The following MAP2K5 variants were observed in gnomAD, a reference collection of about 807,000 sequenced individuals.
MAP2K5 encodes the protein dual specificity mitogen-activated protein kinase kinase 5.
Under a neutral mutation model 83.1 loss-of-function variants are expected in MAP2K5, and 49 were observed. That is an observed-to-expected ratio of 0.59 (90% CI 0.47 to 0.75). MAP2K5 has a LOEUF of 0.75. Among genes scored for constraint, MAP2K5 ranks in the 30% least tolerant of loss-of-function variants. The probability of loss-of-function intolerance (pLI) is 0.00; values close to 1 mark genes in which losing one functional copy is unlikely to be tolerated. For missense variants in MAP2K5, 457 were observed against 557.5 expected (o/e 0.82, Z 1.82); for synonymous variants, 202 against 191.8 (o/e 1.05, Z -0.44).
intron 11 of MAP2K5, among the ~76,000 whole-genome samples, chr15:67,647,613 C>T (rs2086857362): frequency 2.0e-5 from 3 of 151,662 alleles, no homozygotes; most frequent in Admixed American, 2.0e-4. Context: ...TGGCCGGGCA[C>T]GGTGGCTTAC....
Position 67,636,039 on chromosome 15 carries a change from A to G in MAP2K5, c.585+5112A>G, listed in dbSNP as rs1245773160. Among the ~76,000 whole-genome samples the G allele has an allele frequency of 6.6e-6, 1 of 152,170 alleles. No homozygotes were observed. The highest frequency in any genetic ancestry group is 6.5e-5 in the Admixed American group (1 of 15,274). ...GGCTTGTCTTGAATTCATGGGCTCA[A>G]GCAATCCACCCGCCTCCACCTATCA... is the stretch of plus-strand genomic sequence containing the variant. On this transcript the variant is annotated intron_variant, in intron 9 of 21. Coordinates refer to ENST00000178640, the MANE Select transcript of MAP2K5 (RefSeq NM_145160.3). This position sits in a 1 kb window ranked among gnomAD's most constrained non-coding sequence, Gnocchi z 4.7.
chr15:67,634,174 C>T lies in MAP2K5; in HGVS notation c.585+3247C>T, dbSNP rs367925472. On this transcript the variant is annotated intron_variant, in intron 9 of 21. Transcript: ENST00000178640. ...AGGAGTACGAGACCAGCCTGGGAAACGTGGCAAAACCCTGTCTCTACAAAA... is the reference window on the plus strand; with the variant it reads ...AGGAGTACGAGACCAGCCTGGGAAATGTGGCAAAACCCTGTCTCTACAAAA... Among the ~76,000 whole-genome samples, 12 of 151,146 alleles carry T rather than the reference C, an allele frequency of 7.9e-5. No individual in the cohort carries two copies. In the East Asian group the frequency reaches 1.4e-3, roughly 17 times the overall value.
intron 8 of MAP2K5, among the ~76,000 whole-genome samples, chr15:67,621,031 T>C (rs2086171059): frequency 6.8e-6 from 1 of 146,406 alleles, no homozygotes; most frequent in African/African-American, 2.5e-5. Context: ...AATACAGTTA[T>C]GTGCTATTTT....
chr15:67,689,735 A>G lies in MAP2K5; in HGVS notation c.848-2744A>G, dbSNP rs541263922. Among the ~76,000 whole-genome samples, 15 of 152,326 alleles carry G rather than the reference A, an allele frequency of 9.8e-5. No homozygotes were observed. In the East Asian group the frequency reaches 2.5e-3, roughly 25 times the overall value. ...TATAGTTTAGCAGTTTTGTTGTTTT[A>G]TTATTTTGTCTTTCCATTGATCCAC... On this transcript the variant is annotated intron_variant, in intron 13 of 21. Coordinates refer to ENST00000178640, the MANE Select transcript of MAP2K5 (RefSeq NM_145160.3).
chr15:67,751,032 TG>T lies in MAP2K5; in HGVS notation c.1134+2433del, dbSNP rs532619912. Among the ~76,000 whole-genome samples, 9 of 152,228 alleles carry T rather than the reference TG, an allele frequency of 5.9e-5. No individual in the cohort carries two copies. In the South Asian group the frequency reaches 1.0e-3, roughly 18 times the overall value. ...TATGTGGATTCAGCTTAACCTGTTA[TG>T]GCCTGGCAAAGAGTGAAGATGTAGT... On this transcript the variant is annotated intron_variant, in intron 19 of 21. Transcript: ENST00000178640.
rs566855437 is a variant in MAP2K5, at chr15:67,781,036, G to A, written c.1242+8284G>A. The stretch of plus-strand genomic sequence containing the variant: ...CTGTTAGATTGATGACAGGGGACCC[G>A]AAGGTTTTTATCTGTCAGCACATCA... On this transcript the variant is annotated intron_variant, in intron 21 of 21. Coordinates refer to ENST00000178640, the MANE Select transcript of MAP2K5 (RefSeq NM_145160.3). The surrounding 1 kb of genome is among the most constrained non-coding windows in gnomAD (Gnocchi z 4.0). Among the ~76,000 whole-genome samples the A allele has an allele frequency of 2.0e-5, 3 of 152,326 alleles. No individual in the cohort carries two copies. The highest frequency in any genetic ancestry group is 4.1e-4 in the South Asian group (2 of 4,826).
At chr15:67,645,135 G>C (rs2086802924) in intron 9 of MAP2K5, among the ~76,000 whole-genome samples, 1 of 152,208 alleles carries the variant, frequency 6.6e-6, no homozygotes, top group South Asian at 2.1e-4. Context: ...TCATGCCACT[G>C]CACTCCAGCC....
At chr15:67,608,599 C>G (rs547285381) in intron 8 of MAP2K5, among the ~76,000 whole-genome samples, 13 of 152,248 alleles carry the variant, frequency 8.5e-5, no homozygotes, top group African/African-American at 3.1e-4. Flanking sequence ...GGAAAGGCCT[C>G]ATGGAGGAAC....
rs747072307 is a variant in MAP2K5, at chr15:67,746,578, G to A, written c.1075-1653G>A. Reference sequence around the variant, plus strand: ...CTGAAATTCTTAACCACTTCCGGGTGGTGGTTACAGCTCCGCCTTCCCTTG... The same window carrying A: ...CTGAAATTCTTAACCACTTCCGGGTAGTGGTTACAGCTCCGCCTTCCCTTG... On this transcript the variant is annotated intron_variant, in intron 17 of 21. Transcript: ENST00000178640. This position sits in a 1 kb window ranked among gnomAD's most constrained non-coding sequence, Gnocchi z 4.1. 1.7e-4 allele frequency among the ~76,000 whole-genome samples: 26 copies of A among 152,236 alleles called. No individual in the cohort carries two copies. Among genetic ancestry groups the A allele is most frequent in the Middle Eastern group, 3.4e-3 (1 of 294 alleles).
At position 67,786,586 on chromosome 15, in the gene MAP2K5, G is replaced by A. The variant is rs2090422499; in HGVS notation, c.1242+13834G>A. On this transcript the variant is annotated intron_variant, in intron 21 of 21. Coordinates refer to ENST00000178640, the MANE Select transcript of MAP2K5 (RefSeq NM_145160.3). The surrounding 1 kb of genome is among the most constrained non-coding windows in gnomAD (Gnocchi z 4.7). ...TTGGGTGGTGCGGGAGCTCGGAACA[G>A]TGGCCGAGGGGCCGTAGTAGTCAGT... 6.6e-6 allele frequency among the ~76,000 whole-genome samples: 1 copy of A among 152,218 alleles called. No individual in the cohort carries two copies. The highest frequency in any genetic ancestry group is 1.5e-5 in the Non-Finnish European group (1 of 68,040).
chr15:67,717,038 C>G lies in MAP2K5; in HGVS notation c.1045-10878C>G, dbSNP rs960325938. On this transcript the variant is annotated intron_variant, in intron 16 of 21. Transcript: ENST00000178640. This position sits in a 1 kb window ranked among gnomAD's most constrained non-coding sequence, Gnocchi z 4.1. ...AGGCAGCAGCAGTCAAGTATTCTGA[C>G]TCATGGATTCAAGTCTGCTTCTTCC... 6.6e-6 allele frequency among the ~76,000 whole-genome samples: 1 copy of G among 152,106 alleles called. No individual in the cohort carries two copies. Among genetic ancestry groups the G allele is most frequent in the African/African-American group, 2.4e-5 (1 of 41,422 alleles).
intron 17 of MAP2K5, among the ~76,000 whole-genome samples, chr15:67,731,570 A>G (rs7180716): frequency 0.98 from 149,493 of 152,238 alleles, 73,456 homozygotes; most frequent in East Asian, 1. Context: ...GAAAAACAAT[A>G]GTGTCTTGGC....
chr15:67,792,872 C>A (rs1460844908), intron 21 of MAP2K5, among the ~76,000 whole-genome samples: 2 of 152,190 alleles, frequency 1.3e-5, no homozygotes, highest in African/African-American at 4.8e-5. Context: ...TTGTCTGTCC[C>A]CGTGAGATCA....
At chr15:67,804,436 C>T (rs1051609121) in intron 21 of MAP2K5, among the ~76,000 whole-genome samples, 2 of 152,200 alleles carry the variant, frequency 1.3e-5, no homozygotes, top group Non-Finnish European at 2.9e-5. Flanking sequence ...CAGCAGGAGA[C>T]GAGGTCACCT....
Position 67,770,651 on chromosome 15 carries a change from TGTTATCAGGA to T in MAP2K5, c.1196+989_1196+998del, listed in dbSNP as rs2090124525. Among the ~76,000 whole-genome samples, 1 of 152,210 alleles carries T rather than the reference TGTTATCAGGA, an allele frequency of 6.6e-6. No individual in the cohort carries two copies. The highest frequency in any genetic ancestry group is 1.5e-5 in the Non-Finnish European group (1 of 68,044). On this transcript the variant is annotated intron_variant, in intron 20 of 21. Transcript: ENST00000178640. This position sits in a 1 kb window ranked among gnomAD's most constrained non-coding sequence, Gnocchi z 5.0. ...TTGGTTCTGTGGTGTGGCAAAGTAA[TGTTATCAGGA>T]TTCTTGCTAACCAAAATCGTTGTGT...
At chr15:67,681,413 C>T (rs908662279) in intron 13 of MAP2K5, among the ~76,000 whole-genome samples, 1 of 152,208 alleles carries the variant, frequency 6.6e-6, no homozygotes, top group Non-Finnish European at 1.5e-5. Flanking sequence ...GTCTCACAGT[C>T]AGTATGCAGC....
At position 67,708,416 on chromosome 15, in the gene MAP2K5, C is replaced by T. The variant is rs914211977; in HGVS notation, c.1044+5008C>T. 1.3e-5 allele frequency among the ~76,000 whole-genome samples: 2 copies of T among 152,274 alleles called. No individual in the cohort carries two copies. Among genetic ancestry groups the T allele is most frequent in the Admixed American group, 6.5e-5 (1 of 15,304 alleles). On this transcript the variant is annotated intron_variant, in intron 16 of 21. Transcript: ENST00000178640. The surrounding 1 kb of genome is among the most constrained non-coding windows in gnomAD (Gnocchi z 4.9). Reference sequence around the variant, plus strand: ...GCACCCTTTCCTCCAGTTCCATAAACTGTCATCTCTGAGGTTTGGTGATGC... The same window carrying T: ...GCACCCTTTCCTCCAGTTCCATAAATTGTCATCTCTGAGGTTTGGTGATGC...
At chr15:67,674,280 G>T (rs931596187) in intron 13 of MAP2K5, among the ~76,000 whole-genome samples, 14 of 152,072 alleles carry the variant, frequency 9.2e-5, no homozygotes, top group Non-Finnish European at 1.6e-4. Context: ...CCTTCCCTGA[G>T]CTCTCAGGCT....
Position 67,563,432 on chromosome 15 carries a change from G to C in MAP2K5, c.252+82G>C, listed in dbSNP as rs1235753765. On this transcript the variant is annotated intron_variant, in intron 3 of 21. Transcript: ENST00000178640. This position sits in a 1 kb window ranked among gnomAD's most constrained non-coding sequence, Gnocchi z 4.5. ...TGTTTCTTGGGCATAGTGAAGACGA[G>C]TAAATAAATCACAGTTGTCATACAT... 2 of 1,489,566 alleles carry C rather than the reference G, an allele frequency of 1.3e-6. No individual in the cohort carries two copies. The highest frequency in any genetic ancestry group is 1.8e-6 in the Non-Finnish European group (2 of 1,114,742). 92.3% of individuals were successfully genotyped at this position (1,489,566 alleles called of 1,614,324 possible).
Sources: gnomAD v4.1 joint callset for allele counts (sites outside exome capture counted in the v4.1 genomes callset) on GRCh38, gnomAD v4.1.1 for gene constraint, Gnocchi (gnomAD v3.1) non-coding constraint, MANE v1.5 for transcripts, NCBI Gene and HGNC (gene_info 2026-07-23, HGNC 2026-07-21) for gene names.